F11: variants seen among roughly 807,000 people sequenced by gnomAD.
F11 encodes the protein coagualtion factor XI.
F11 carries 78 observed loss-of-function variants against 76.5 expected under a neutral mutation model. The observed-to-expected ratio is 1.02, with a 90% CI of 0.85 to 1.23. The LOEUF is 1.23. Among genes scored for constraint, F11 ranks in the 50% most tolerant of loss-of-function variants. The pLI is 0.00. For missense variants in F11, 742 were observed against 771.4 expected (o/e 0.96, Z 0.45); for synonymous variants, 278 against 276.3 (o/e 1.01, Z -0.06).
intron 10 of F11, chr4:186,282,385 C>T (rs914204686): frequency 4.6e-5 from 45 of 985,272 alleles, no homozygotes; most frequent in Middle Eastern, 5.2e-4. Flanking sequence ...GTTTTTACTG[C>T]GCTGTATTTG....
At chr4:186,271,967 G>A (rs1223574821) in intron 3 of F11, among the ~76,000 whole-genome samples, 196 bp downstream of exon 3, 2 of 152,142 alleles carry the variant, frequency 1.3e-5, no homozygotes. Flanking sequence ...GCCTCCAAGT[G>A]TAGACTTTCC....
intron 7 of F11, among the ~76,000 whole-genome samples, chr4:186,279,382 CA>C (rs35203561): frequency 0.028 from 4,038 of 143,120 alleles, 158 homozygotes; most frequent in African/African-American, 0.094. Context: ...GACTATGTCT[CA>C]AAAAAAAAAA....
intron 2 of F11, among the ~76,000 whole-genome samples, chr4:186,268,872 C>A (rs1351098351): frequency 6.6e-6 from 1 of 151,956 alleles, no homozygotes; most frequent in East Asian, 1.9e-4. Flanking sequence ...TATAAGATGA[C>A]AAGAAGATAG....
chr4:186,278,535 G>A (rs1381708842), intron 7 of F11, among the ~76,000 whole-genome samples: 2 of 152,196 alleles, frequency 1.3e-5, no homozygotes, highest in Non-Finnish European at 2.9e-5. Context: ...ATCGATCTGT[G>A]TTATCAGCAG....
chr4:186,282,034 A>G (rs1185268787), intron 10 of F11: 3 of 1,248,904 alleles, frequency 2.4e-6, no homozygotes, highest in Non-Finnish European at 3.2e-6. Context: ...TCCTCACAAT[A>G]AATTTCCCTA....
intron 11 of F11, 36 bp from the exon 12 acceptor site, chr4:186,285,602 A>G (rs1741141889): frequency 6.2e-7 from 1 of 1,603,832 alleles, no homozygotes; most frequent in South Asian, 1.1e-5. Flanking sequence ...ATTTTTAGTA[A>G]AGGAAATTTC....
At position 186,288,586 on chromosome 4, in the gene F11, G is replaced by A; in HGVS notation, c.1850G>A (p.Trp617Ter). 1.9e-6 allele frequency: 3 copies of A among 1,614,150 alleles called. No individual in the cohort carries two copies. Among genetic ancestry groups the A allele is most frequent in the Non-Finnish European group, 8.5e-7 (1 of 1,180,032 alleles). Reference sequence around the variant, plus strand: ...ACCAACGTGGTCGAGTACGTGGACTGGATTCTGGAGAAAACTCAAGCAGTG... The same window carrying A: ...ACCAACGTGGTCGAGTACGTGGACTAGATTCTGGAGAAAACTCAAGCAGTG... ...VYTNVVEYVD[W>*]ILEKTQAV Residue 617 changes from tryptophan (W) to a stop codon, truncating the protein, a stop_gained, in exon 15 of 15, where the codon TGG becomes TAG. Transcript: ENST00000403665. LOFTEE classifies it high-confidence loss of function.
rs545862573 is a variant in F11 at position 186,283,212 on chromosome 4, CGTGTGTGT to C, written c.1136-878_1136-871del. The stretch of plus-strand genomic sequence containing the variant: ...AAATTTTGAGTCGCATAGGTGTGTG[CGTGTGTGT>C]GCGCATGTATGTGTGCGTGTGTTTG... On this transcript the variant is annotated intron_variant, in intron 10 of 14. Transcript: ENST00000403665. 1.3e-3 allele frequency: 231 copies of C among 174,158 alleles called. 1 individual carries two copies. Among genetic ancestry groups the C allele is most frequent in the African/African-American group, 5.3e-3 (220 of 41,612 alleles). 10.8% of individuals were successfully genotyped at this position (174,158 alleles called of 1,614,324 possible).
At chr4:186,267,002 TA>T in intron 1 of F11, 133 bp from the exon 2 acceptor site, 1 of 690,292 alleles carries the variant, frequency 1.4e-6, no homozygotes, top group Non-Finnish European at 2.6e-6. Flanking sequence ...TTCAACATTA[TA>T]ATGAGAACAC....
intron 12 of F11, 164 bp from the exon 13 acceptor site, chr4:186,286,251 C>T (rs1366618597): frequency 2.7e-5 from 18 of 661,904 alleles, no homozygotes; most frequent in South Asian, 2.0e-4. Context: ...GGCACATGTG[C>T]GATATCGTGC....
In F11 at chr4:186,288,745, C is replaced by A; in HGVS notation, c.*131C>A. The A allele has an allele frequency of 9.6e-7, 1 of 1,045,014 alleles. No individual in the cohort carries two copies. Among genetic ancestry groups the A allele is most frequent in the African/African-American group, 1.6e-5 (1 of 63,208 alleles). The allele number at this position is 1,045,014 out of a possible 1,614,324, so 64.7% of individuals were successfully genotyped here. On this transcript the variant is annotated 3_prime_UTR_variant, in exon 15 of 15. Transcript: ENST00000403665. ...GGGGCTTGGTGTTTGTAAGAAAATG[C>A]TAGAAGAAAACAAACTGTCACAAGT...
chr4:186,273,434 C>G (rs535237800), intron 4 of F11, among the ~76,000 whole-genome samples: 3 of 152,212 alleles, frequency 2.0e-5, no homozygotes, highest in Admixed American at 1.3e-4. Context: ...TTTCTATTTC[C>G]CAGCCTAAAA....
intron 6 of F11, 27 bp from the exon 7 acceptor site, chr4:186,276,204 C>A (rs761850794): frequency 6.2e-7 from 1 of 1,613,912 alleles, no homozygotes; most frequent in East Asian, 2.2e-5. Context: ...TGAATTGAGT[C>A]CCTGACATAG....
chr4:186,288,207 G>C (rs955791326), intron 14 of F11, among the ~76,000 whole-genome samples: 2 of 151,994 alleles, frequency 1.3e-5, no homozygotes, highest in African/African-American at 4.8e-5. Context: ...CCACCGCGCC[G>C]GGCCGCTTAA....
At chr4:186,266,528 T>C (rs1739511474) in intron 1 of F11, among the ~76,000 whole-genome samples, 1 of 152,062 alleles carries the variant, frequency 6.6e-6, no homozygotes, top group African/African-American at 2.4e-5. Flanking sequence ...GTTTTACGAG[T>C]TAAAAAGACA....
At chr4:186,270,613 G>C (rs1407371399) in intron 2 of F11, among the ~76,000 whole-genome samples, 1 of 151,672 alleles carries the variant, frequency 6.6e-6, no homozygotes, top group Admixed American at 6.6e-5. Flanking sequence ...AATCCAATTA[G>C]GAGGGGGATA....
In F11 at chr4:186,280,065, A is replaced by T. The variant is rs121965070; in HGVS notation, c.809A>T (p.Lys270Ile). The T allele has an allele frequency of 5.4e-4, 878 of 1,614,012 alleles. No homozygotes were observed. The highest frequency in any genetic ancestry group is 6.4e-4 in the Non-Finnish European group (758 of 1,179,998). Residue 270 changes from lysine to isoleucine, a missense_variant, in exon 8 of 15, where the codon AAA becomes ATA. By Grantham distance (102) the Lys-to-Ile change is moderately radical (BLOSUM62 -3). Transcript: ENST00000403665. ...AGTGGATTGCCCAGTACACGCATTA[A>T]AAAGAGCAAAGCTCTTTCTGGTTTC... is the stretch of plus-strand genomic sequence containing the variant. ...SESGLPSTRI[K>I]KSKALSGFSL...
At chr4:186,284,391 T>C in intron 11 of F11, 131 bp downstream of exon 11, 1 of 1,018,514 alleles carries the variant, frequency 9.8e-7, no homozygotes, top group Non-Finnish European at 1.5e-6. Flanking sequence ...ATTGCTTCAG[T>C]GGTAAAAAAC....
At position 186,281,839 on chromosome 4, in the gene F11, T is replaced by G. The variant is rs1317516033; in HGVS notation, c.1135+1259T>G. 3.3e-6 allele frequency: 4 copies of G among 1,195,070 alleles called. No homozygotes were observed. The African/African-American group carries it at 6.3e-5, about 19-fold the overall frequency. 74.0% of individuals were successfully genotyped at this position (1,195,070 alleles called of 1,614,324 possible). A position where few individuals can be genotyped will look rare whatever the true frequency, so the allele number is the denominator to read the frequency against. Reference sequence around the variant, plus strand: ...TTATCTGCTGTACCGAGAAGGCGAATCAATCCTTAATTTCTGAGAACTTGT... The same window carrying G: ...TTATCTGCTGTACCGAGAAGGCGAAGCAATCCTTAATTTCTGAGAACTTGT... On this transcript the variant is annotated intron_variant, in intron 10 of 14. Transcript: ENST00000403665.
Sources: gnomAD v4.1 joint callset for allele counts (sites outside exome capture counted in the v4.1 genomes callset) on GRCh38, gnomAD v4.1.1 for gene constraint, MANE v1.5 for transcripts, NCBI Gene and HGNC (gene_info 2026-07-23, HGNC 2026-07-21) for gene names.